Variants in ROBO1 observed in about 807,000 individuals in gnomAD.
The protein encoded by ROBO1 is roundabout homolog 1.
A neutral mutation model predicts 195.9 loss-of-function variants in ROBO1; 149 were observed. The ratio of observed to expected loss-of-function variants is 0.76; its 90% CI spans 0.67 to 0.87. The LOEUF is 0.87. Ranked by LOEUF, ROBO1 falls within the 40% of genes least tolerant of loss-of-function variation. The probability of loss-of-function intolerance (pLI) is 0.00; values close to 1 mark genes in which losing one functional copy is unlikely to be tolerated. For synonymous variants in ROBO1, 816 were observed against 733.2 expected (o/e 1.11, Z -1.82); for missense variants, 1,933 against 2,068.3 (o/e 0.93, Z 1.27).
intron 1 of ROBO1, among the ~76,000 whole-genome samples, chr3:79,640,619 T>C (rs1040828242): frequency 6.6e-6 from 1 of 152,164 alleles, no homozygotes; most frequent in African/African-American, 2.4e-5. Context: ...CTCATACACT[T>C]CAACTTTAAA....
At chr3:79,714,001 G>A (rs1429216100) in intron 1 of ROBO1, among the ~76,000 whole-genome samples, 1 of 152,060 alleles carries the variant, frequency 6.6e-6, no homozygotes. Flanking sequence ...CTGTAGCCTT[G>A]TAGTATAGTT....
chr3:78,977,103 T>TA (rs2076899716), intron 3 of ROBO1, among the ~76,000 whole-genome samples: 1 of 152,196 alleles, frequency 6.6e-6, no homozygotes, highest in Non-Finnish European at 1.5e-5. Context: ...CTTTCTCTTG[T>TA]AAAATAACTA....
chr3:79,556,871 TTC>T (rs1942718747), intron 2 of ROBO1, among the ~76,000 whole-genome samples: 1 of 151,618 alleles, frequency 6.6e-6, no homozygotes, highest in Admixed American at 6.6e-5. Flanking sequence ...CAACATTCTC[TTC>T]TACACTTACT....
chr3:78,741,112 A>T (rs1051936178), intron 5 of ROBO1, among the ~76,000 whole-genome samples: 2 of 152,182 alleles, frequency 1.3e-5, no homozygotes, highest in African/African-American at 4.8e-5. Context: ...TAAATACCTT[A>T]ATATTTTATT....
chr3:79,116,488 TTCTC>T (rs1489580295), intron 3 of ROBO1, among the ~76,000 whole-genome samples: 93 of 149,764 alleles, frequency 6.2e-4, no homozygotes, highest in African/African-American at 2.0e-3. Context: ...CTTTCTCTCC[TTCTC>T]TCTCTCTTTC....
At chr3:79,271,538 G>C (rs929301055) in intron 2 of ROBO1, among the ~76,000 whole-genome samples, 6 of 151,948 alleles carry the variant, frequency 3.9e-5, no homozygotes, top group African/African-American at 1.4e-4. Context: ...TCTAGGCAGA[G>C]GGAAATTTAG....
intron 9 of ROBO1, among the ~76,000 whole-genome samples, chr3:78,687,744 C>A (rs534795985): frequency 2.0e-5 from 3 of 152,176 alleles, no homozygotes; most frequent in South Asian, 2.1e-4. Context: ...CCTGCCCCAG[C>A]CTCCAGAGTA....
chr3:79,473,516 A>T (rs532148720), intron 2 of ROBO1, among the ~76,000 whole-genome samples: 1 of 152,224 alleles, frequency 6.6e-6, no homozygotes, highest in East Asian at 1.9e-4. Context: ...AACTCGGAGA[A>T]ATAATACCCG....
rs71127358 is a variant in ROBO1 at position 78,787,926 on chromosome 3, C to CTTTTTTTTTTT, written c.500-41037_500-41027dup. On this transcript the variant is annotated intron_variant, in intron 4 of 30. Coordinates refer to ENST00000464233, the MANE Select transcript of ROBO1 (RefSeq NM_002941.4). ...CTGGCCACAGAGTTAGACCCCTTCT[C>CTTTTTTTTTTT]TTTTTTTTTTTTTTTTTTTTTTTTT... Among the ~76,000 whole-genome samples the CTTTTTTTTTTT allele has an allele frequency of 6.7e-4, 48 of 71,718 alleles. 3 individuals are homozygous for CTTTTTTTTTTT. The highest frequency in any genetic ancestry group is 9.2e-4 in the African/African-American group (15 of 16,388). The allele number at this position is 71,718 out of a possible 152,430, so 47.0% of individuals were successfully genotyped here.
chr3:79,000,712 G>C (rs903517534), intron 3 of ROBO1, among the ~76,000 whole-genome samples: 1 of 152,166 alleles, frequency 6.6e-6, no homozygotes, highest in East Asian at 1.9e-4. Context: ...AGACAGTGTG[G>C]TGATTCCTCA....
chr3:79,412,957 C>A (rs1418149914), intron 2 of ROBO1, among the ~76,000 whole-genome samples: 1 of 122,110 alleles, frequency 8.2e-6, no homozygotes, highest in East Asian at 2.6e-4. Context: ...TTCCCATGGG[C>A]AAATGGAAAT....
At chr3:78,801,128 C>T (rs907439452) in intron 4 of ROBO1, among the ~76,000 whole-genome samples, 1 of 152,010 alleles carries the variant, frequency 6.6e-6, no homozygotes, top group African/African-American at 2.4e-5. Context: ...GGGCTTAGGG[C>T]TCATAAAATA....
chr3:79,116,964 C>G lies in ROBO1; in HGVS notation c.172+8492G>C, dbSNP rs564210003. On this transcript the variant is annotated intron_variant, in intron 3 of 30. Transcript: ENST00000464233. Reference sequence around the variant, plus strand: ...TGCTTTTTAAAAGAGATTTTGAATCCATGGATGCAGAAGTGGTGAATACAA... The same window carrying G: ...TGCTTTTTAAAAGAGATTTTGAATCGATGGATGCAGAAGTGGTGAATACAA... Among the ~76,000 whole-genome samples the G allele has an allele frequency of 3.3e-5, 5 of 152,096 alleles. No individual in the cohort carries two copies. The East Asian group carries it at 7.7e-4, about 23-fold the overall frequency.
chr3:78,927,833 T>A (rs946791208), intron 4 of ROBO1, among the ~76,000 whole-genome samples: 1 of 152,340 alleles, frequency 6.6e-6, no homozygotes, highest in Admixed American at 6.5e-5. Context: ...TTATTCTAAA[T>A]GTAACTATAC....
intron 5 of ROBO1, among the ~76,000 whole-genome samples, chr3:78,734,638 C>T (rs982697563): frequency 1.3e-5 from 2 of 150,500 alleles, no homozygotes; most frequent in African/African-American, 4.9e-5. Context: ...CCTCCAGAAT[C>T]ATCTCAGGAG....
intron 2 of ROBO1, among the ~76,000 whole-genome samples, chr3:79,219,315 G>C (rs2082100461): frequency 6.6e-6 from 1 of 151,960 alleles, no homozygotes; most frequent in Non-Finnish European, 1.5e-5. Flanking sequence ...TGAAAAATAT[G>C]TCAAGTGATA....
chr3:79,761,983 T>G (rs1704723989), intron 1 of ROBO1, among the ~76,000 whole-genome samples: 1 of 152,182 alleles, frequency 6.6e-6, no homozygotes, highest in African/African-American at 2.4e-5. Flanking sequence ...GACTGGTGTT[T>G]TAAGGGCTAC....
intron 5 of ROBO1, among the ~76,000 whole-genome samples, chr3:78,744,796 A>C (rs576008652): frequency 1.3e-5 from 2 of 152,216 alleles, no homozygotes; most frequent in East Asian, 3.9e-4. Context: ...CCTCTTCACT[A>C]TTTTTAATAG....
intron 3 of ROBO1, among the ~76,000 whole-genome samples, chr3:79,052,518 A>C (rs545917559): frequency 1.8e-4 from 28 of 151,536 alleles, no homozygotes; most frequent in Admixed American, 1.7e-3. Context: ...TCTGTGACCC[A>C]CTCCCTATTT....
Sources: gnomAD v4.1 joint callset for allele counts (sites outside exome capture counted in the v4.1 genomes callset) on GRCh38, gnomAD v4.1.1 for gene constraint, MANE v1.5 for transcripts, NCBI Gene and HGNC (gene_info 2026-07-23, HGNC 2026-07-21) for gene names.